The following SLC25A32 variants were observed in gnomAD, a reference collection of about 807,000 sequenced individuals.
SLC25A32 encodes the protein Glycine auxotroph B, complementation of hamster.
Under a neutral mutation model 39.0 loss-of-function variants are expected in SLC25A32, and 32 were observed. The observed-to-expected ratio is 0.82, with a 90% CI of 0.62 to 1.10. The LOEUF is 1.10. SLC25A32 is among the 50% of genes least tolerant of loss of function. The pLI is 0.00. For missense variants in SLC25A32, 367 were observed against 395.3 expected, an observed-to-expected ratio of 0.93 and a Z score of 0.61; for synonymous variants, 166 against 152.4, an observed-to-expected ratio of 1.09 and a Z score of -0.66.
chr8:103,400,359 A>G lies in SLC25A32; in HGVS notation c.*52T>C, dbSNP rs1816190531. On this transcript the variant is annotated 3_prime_UTR_variant, in exon 7 of 7. Coordinates refer to ENST00000297578, the MANE Select transcript of SLC25A32 (RefSeq NM_030780.5). ...ATTCTTCTTTTATGCCTTAAACACA[A>G]AAGAGCTTGTTGCTGCCTTGGGCAG... 1 of 1,604,722 alleles carries G rather than the reference A, an allele frequency of 6.2e-7. No individual in the cohort carries two copies. Among genetic ancestry groups the G allele is most frequent in the Middle Eastern group, 1.7e-4 (1 of 6,028 alleles).
chr8:103,400,394 A>C lies in SLC25A32; in HGVS notation c.*17T>G. 1 of 1,613,956 alleles carries C rather than the reference A, an allele frequency of 6.2e-7. No homozygotes were observed. The highest frequency in any genetic ancestry group is 8.5e-7 in the Non-Finnish European group (1 of 1,179,928). On this transcript the variant is annotated 3_prime_UTR_variant, in exon 7 of 7. Transcript: ENST00000297578. ...TTGCTGCCTTGGGCAGATATACTGG[A>C]ATTGTCCTCTTTGAGCTTACTTTCT...
chr8:103,414,751 A>T (rs750767608), intron 1 of SLC25A32, 33 bp downstream of exon 1: 1 of 1,612,490 alleles, frequency 6.2e-7, no homozygotes, highest in Non-Finnish European at 8.5e-7. Flanking sequence ...TGACAGTGAG[A>T]GGATGCAGCC....
chr8:103,400,681 C>A, intron 6 of SLC25A32, 135 bp from the exon 7 acceptor site: 1 of 881,788 alleles, frequency 1.1e-6, no homozygotes, highest in East Asian at 2.4e-5. Context: ...TTTCAATGTC[C>A]TAAAGTAATG....
At chr8:103,407,244 C>T (rs1016158657) in intron 2 of SLC25A32, among the ~76,000 whole-genome samples, 1 of 152,198 alleles carries the variant, frequency 6.6e-6, no homozygotes, top group Non-Finnish European at 1.5e-5. Context: ...ATAAAAAGCT[C>T]TCTTTAATAT....
chr8:103,413,113 A>T (rs1037454790), intron 1 of SLC25A32, among the ~76,000 whole-genome samples: 1 of 152,164 alleles, frequency 6.6e-6, no homozygotes, highest in African/African-American at 2.4e-5. Flanking sequence ...CTAGTCTCCT[A>T]ATACTCTTCC....
intron 2 of SLC25A32, among the ~76,000 whole-genome samples, chr8:103,406,798 T>C (rs1203621072): frequency 6.6e-6 from 1 of 152,238 alleles, no homozygotes; most frequent in Admixed American, 6.5e-5. Flanking sequence ...TAAACAAATG[T>C]ATTTTTGTAA....
intron 2 of SLC25A32, among the ~76,000 whole-genome samples, chr8:103,407,368 A>G (rs1816355452): frequency 6.6e-6 from 1 of 152,218 alleles, no homozygotes; most frequent in Admixed American, 6.5e-5. Context: ...TTTTCCTATT[A>G]AGAATTTTCT....
intron 2 of SLC25A32, 109 bp from the exon 3 acceptor site, chr8:103,404,970 T>C (rs1816298009): frequency 1.7e-6 from 1 of 596,850 alleles, no homozygotes; most frequent in East Asian, 3.1e-5. Flanking sequence ...CAATGCATAA[T>C]GCAACCACAA....
chr8:103,411,411 C>A (rs1416808831), intron 1 of SLC25A32, among the ~76,000 whole-genome samples: 1 of 152,062 alleles, frequency 6.6e-6, no homozygotes, highest in African/African-American at 2.4e-5. Context: ...CCAGCCCCTC[C>A]CTGGCCCCCG....
rs760097451 is a variant in SLC25A32, at chr8:103,401,561, T to C, written c.767A>G (p.His256Arg). 1 of 1,613,924 alleles carries C rather than the reference T, an allele frequency of 6.2e-7. No individual in the cohort carries two copies. The highest frequency in any genetic ancestry group is 1.1e-5 in the South Asian group (1 of 91,046). The change falls in exon 6 of 7, where the codon CAC becomes CGC. Residue 256 changes from histidine to arginine, a missense_variant. Transcript: ENST00000297578. ...QVVRARLQDQHMFYSGVIDVI... is the reference protein window; with the variant it reads ...QVVRARLQDQRMFYSGVIDVI... ...ATCTATTACACCACTGTAAAACATG[T>C]GTTGATCCTGAAGACGAGCTCTTAC...
Position 103,399,541 on chromosome 8 carries a change from T to C in SLC25A32, c.*870A>G, listed in dbSNP as rs926468765. 2 of 152,224 alleles carry C rather than the reference T, an allele frequency of 1.3e-5. No homozygotes were observed. Among genetic ancestry groups the C allele is most frequent in the African/African-American group, 4.8e-5 (2 of 41,456 alleles). The allele number at this position is 152,224 out of a possible 1,614,324, so 9.4% of individuals were successfully genotyped here. On this transcript the variant is annotated 3_prime_UTR_variant, in exon 7 of 7. Transcript: ENST00000297578. Reference sequence around the variant, plus strand: ...TAGTTTCTCAATTTTCGCTAGGTAGTGCATCCCAACTGAATTAAAACTAAA... The same window carrying C: ...TAGTTTCTCAATTTTCGCTAGGTAGCGCATCCCAACTGAATTAAAACTAAA...
chr8:103,411,563 T>C (rs1586117968), intron 1 of SLC25A32, among the ~76,000 whole-genome samples: 1 of 152,328 alleles, frequency 6.6e-6, no homozygotes, highest in Admixed American at 6.5e-5. Flanking sequence ...CACCTGATAT[T>C]GTGTAAATCC....
chr8:103,406,715 A>G (rs950394889), intron 2 of SLC25A32, among the ~76,000 whole-genome samples: 3 of 152,210 alleles, frequency 2.0e-5, no homozygotes, highest in African/African-American at 7.2e-5. Context: ...TCTGTTCCCA[A>G]CAGCGATTTC....
At chr8:103,410,753 T>C (rs1816447518) in intron 1 of SLC25A32, among the ~76,000 whole-genome samples, 1 of 152,040 alleles carries the variant, frequency 6.6e-6, no homozygotes, top group South Asian at 2.1e-4. Context: ...AAAATGCCAA[T>C]GGACACAAGC....
chr8:103,414,604 G>T, intron 1 of SLC25A32, 180 bp downstream of exon 1: 2 of 785,472 alleles, frequency 2.5e-6, no homozygotes, highest in Non-Finnish European at 4.0e-6. Context: ...GAGGAGCGGG[G>T]AAGATCGCAG....
chr8:103,404,675 G>A, intron 3 of SLC25A32, 101 bp downstream of exon 3: 1 of 681,750 alleles, frequency 1.5e-6, no homozygotes, highest in Non-Finnish European at 2.5e-6. Flanking sequence ...ACAGTTAGAT[G>A]GGCATATTTA....
rs971252738 is a variant in SLC25A32, at chr8:103,407,777, A to G, written c.162T>C (p.Asp54=). 3.7e-6 allele frequency: 6 copies of G among 1,612,924 alleles called. No homozygotes were observed. The highest frequency in any genetic ancestry group is 4.2e-6 in the Non-Finnish European group (5 of 1,179,392). The change falls in exon 2 of 7, where the codon GAT becomes GAC. Residue 54 remains aspartate, a synonymous_variant. Transcript: ENST00000297578. ...DLVKIRFAVS[D]GLELRPKYNG... ...TATATTTCGGTCTCAGTTCCAATCC[A>G]TCACTCACTGCATCAAGGGATACAC...
In SLC25A32 at chr8:103,407,754, T is replaced by C. The variant is rs772386221; in HGVS notation, c.185A>G (p.Tyr62Cys). 3.1e-6 allele frequency: 5 copies of C among 1,613,474 alleles called. No individual in the cohort carries two copies. In the South Asian group the frequency reaches 3.3e-5, roughly 11 times the overall value. Residue 62 changes from tyrosine (Y) to cysteine (C), a missense_variant, in exon 2 of 7, where the codon TAT becomes TGT. Tyr to Cys is a radical substitution (Grantham distance 194, BLOSUM62 -2). Transcript: ENST00000297578. ...VSDGLELRPK[Y>C]NGILHCLTTI... ...AGTCAAGCAATGTAAAATTCCATTATATTTCGGTCTCAGTTCCAATCCATC... is the reference window on the plus strand; with the variant it reads ...AGTCAAGCAATGTAAAATTCCATTACATTTCGGTCTCAGTTCCAATCCATC...
intron 6 of SLC25A32, 35 bp downstream of exon 6, chr8:103,401,481 G>A (rs1816216682): frequency 6.3e-7 from 1 of 1,597,718 alleles, no homozygotes; most frequent in East Asian, 2.3e-5. Context: ...AAGGTACCTT[G>A]TCAAAGCAAT....
Sources: gnomAD v4.1 joint callset for allele counts (sites outside exome capture counted in the v4.1 genomes callset) on GRCh38, gnomAD v4.1.1 for gene constraint, MANE v1.5 for transcripts, NCBI Gene and HGNC (gene_info 2026-07-23, HGNC 2026-07-21) for gene names.